SHISA9: variants seen among roughly 807,000 people sequenced by gnomAD.
SHISA9 encodes protein shisa-9.
A neutral mutation model predicts 38.0 loss-of-function variants in SHISA9; 13 were observed. The observed-to-expected ratio is 0.34, with a 90% CI of 0.22 to 0.54. The LOEUF is 0.54. Among genes scored for constraint, SHISA9 ranks in the 20% least tolerant of loss-of-function variants. SHISA9 has a pLI of 0.91. For missense variants in SHISA9, 538 were observed against 575.8 expected (o/e 0.93, Z 0.67); for synonymous variants, 275 against 242.0 (o/e 1.14, Z -1.27).
At chr16:13,498,172 A>G in the SHISA9 span, among the ~76,000 whole-genome samples, 95 of 152,334 alleles carry the variant, frequency 6.2e-4, no homozygotes, top group African/African-American at 2.3e-3. Flanking sequence ...TGAAAAGACA[A>G]TGTAGAAGAA....
At chr16:13,092,584 C>A (rs762092505) in intron 2 of SHISA9, among the ~76,000 whole-genome samples, 6 of 152,240 alleles carry the variant, frequency 3.9e-5, no homozygotes, top group African/African-American at 1.4e-4. Flanking sequence ...CAGACGGCTG[C>A]GCTAGCATTG....
chr16:13,321,440 G>A, the SHISA9 span, among the ~76,000 whole-genome samples: 1 of 152,190 alleles, frequency 6.6e-6, no homozygotes, highest in Admixed American at 6.5e-5. Context: ...AATTCTGGCA[G>A]CTTTTGCATT....
chr16:13,311,977 A>C, the SHISA9 span, among the ~76,000 whole-genome samples: 23 of 152,228 alleles, frequency 1.5e-4, no homozygotes, highest in African/African-American at 5.1e-4. Flanking sequence ...TTTTCTCCTG[A>C]GAAAAGTGTA....
chr16:13,420,882 C>T, the SHISA9 span, among the ~76,000 whole-genome samples: 94 of 152,294 alleles, frequency 6.2e-4, 2 homozygotes, highest in Middle Eastern at 3.4e-3. Context: ...AATCCTCTCA[C>T]GTAGACATTG....
chr16:13,336,454 C>T, the SHISA9 span, among the ~76,000 whole-genome samples: 1 of 152,070 alleles, frequency 6.6e-6, no homozygotes, highest in African/African-American at 2.4e-5. Flanking sequence ...TTTGCTAGTC[C>T]CAGGCAAAAA....
intron 2 of SHISA9, among the ~76,000 whole-genome samples, chr16:13,181,438 A>G (rs960747712): frequency 1.3e-5 from 2 of 151,634 alleles, no homozygotes; most frequent in African/African-American, 4.8e-5. Context: ...GGGAAATCAC[A>G]TATTTGAAGG....
At chr16:13,511,876 A>G in the SHISA9 span, among the ~76,000 whole-genome samples, 488 of 152,316 alleles carry the variant, frequency 3.2e-3, 2 homozygotes, top group Non-Finnish European at 4.4e-3. Context: ...TGAAAAAACT[A>G]TCCAAGTCTA....
the SHISA9 span, among the ~76,000 whole-genome samples, chr16:13,352,045 A>C: frequency 6.6e-6 from 1 of 152,198 alleles, no homozygotes. Context: ...GATGAATATC[A>C]ATTTGAGCAT....
chr16:13,089,379 C>G (rs1438168390), intron 2 of SHISA9, among the ~76,000 whole-genome samples: 2 of 152,172 alleles, frequency 1.3e-5, no homozygotes, highest in East Asian at 1.9e-4. Context: ...AGGAATGGTA[C>G]CAGCTCCTCT....
chr16:13,371,767 C>T, the SHISA9 span, among the ~76,000 whole-genome samples: 3 of 152,210 alleles, frequency 2.0e-5, no homozygotes, highest in Non-Finnish European at 4.4e-5. Context: ...TGTACAGAAT[C>T]AATTACTATC....
chr16:13,183,664 A>G (rs1377189009), intron 2 of SHISA9, among the ~76,000 whole-genome samples: 1 of 152,248 alleles, frequency 6.6e-6, no homozygotes, highest in South Asian at 2.1e-4. Context: ...CCTTTTGTGA[A>G]TAACTCTATT....
At chr16:13,036,099 C>A (rs922764722) in intron 2 of SHISA9, among the ~76,000 whole-genome samples, 5 of 152,302 alleles carry the variant, frequency 3.3e-5, no homozygotes, top group African/African-American at 7.2e-5. Context: ...TAAAGTTTAA[C>A]CTGCCCTTAC....
the SHISA9 span, among the ~76,000 whole-genome samples, chr16:13,269,893 A>G: frequency 1.3e-5 from 2 of 152,142 alleles, no homozygotes; most frequent in Non-Finnish European, 2.9e-5. Flanking sequence ...TGCTCTTGCA[A>G]TCACCACAGA....
At chr16:13,484,720 G>A in the SHISA9 span, among the ~76,000 whole-genome samples, 2 of 152,190 alleles carry the variant, frequency 1.3e-5, no homozygotes, top group Non-Finnish European at 2.9e-5. Flanking sequence ...TACAATCATG[G>A]TGGAAGGTGA....
chr16:13,491,568 A>G, the SHISA9 span, among the ~76,000 whole-genome samples: 2 of 151,394 alleles, frequency 1.3e-5, no homozygotes, highest in African/African-American at 2.4e-5. Context: ...AGCTCCTACA[A>G]CCTCCACCTC....
At chr16:12,994,722 T>C (rs2072436457) in intron 2 of SHISA9, among the ~76,000 whole-genome samples, 1 of 152,174 alleles carries the variant, frequency 6.6e-6, no homozygotes, top group Non-Finnish European at 1.5e-5. Context: ...CTAATGAAGG[T>C]AGGACTGGTG....
intron 1 of SHISA9, chr16:12,909,140 A>G: frequency 1.0e-6 from 1 of 985,638 alleles, no homozygotes; most frequent in Non-Finnish European, 1.2e-6. Flanking sequence ...GGCCACAGAA[A>G]AGTCTTAATT....
At chr16:12,959,257 A>T (rs2071876596) in intron 2 of SHISA9, among the ~76,000 whole-genome samples, 1 of 152,264 alleles carries the variant, frequency 6.6e-6, no homozygotes, top group South Asian at 2.1e-4. Context: ...ATGCAAGACT[A>T]GAGGCATTGG....
At chr16:13,055,666 T>G (rs1366671841) in intron 2 of SHISA9, among the ~76,000 whole-genome samples, 1 of 152,198 alleles carries the variant, frequency 6.6e-6, no homozygotes, top group Non-Finnish European at 1.5e-5. Context: ...TCTCCCTCCA[T>G]GCCCACTCAC....
Sources: gnomAD v4.1 joint callset for allele counts (sites outside exome capture counted in the v4.1 genomes callset) on GRCh38, gnomAD v4.1.1 for gene constraint, MANE v1.5 for transcripts, NCBI Gene and HGNC (gene_info 2026-07-23, HGNC 2026-07-21) for gene names.